The following AKAP7 variants were observed in gnomAD, a reference collection of about 807,000 sequenced individuals.
AKAP7 encodes the protein A-kinase anchoring protein 7, also known as A kinase (PRKA) anchor protein 7.
AKAP7 carries 39 observed loss-of-function variants against 39.5 expected under a neutral mutation model. The observed-to-expected ratio is 0.99, with a 90% CI of 0.76 to 1.29. The LOEUF (loss-of-function observed/expected upper bound fraction) is 1.29. AKAP7 is among the 50% of genes most tolerant of loss of function. The pLI is 0.00. For synonymous variants in AKAP7, 140 were observed against 139.1 expected (o/e 1.01, Z -0.05); for missense variants, 414 against 407.7 (o/e 1.02, Z -0.13).
chr6:131,189,005 A>C (rs777560096), intron 5 of AKAP7, among the ~76,000 whole-genome samples: 7 of 152,234 alleles, frequency 4.6e-5, no homozygotes, highest in Non-Finnish European at 5.9e-5. Context: ...AATATAGCTT[A>C]GTCTAGCCTA....
At position 131,242,333 on chromosome 6, in the gene AKAP7, C is replaced by T. The variant is rs544965650; in HGVS notation, c.850+22525C>T. ...TAATAAGCGGAAGCTTTTACTTAAG[C>T]AGTCAGTCTTAGTATAATAAGGTTT... On this transcript the variant is annotated intron_variant, in intron 7 of 7. Coordinates refer to ENST00000431975, the MANE Select transcript of AKAP7 (RefSeq NM_016377.4). 1.1e-3 allele frequency: 502 copies of T among 443,940 alleles called. 2 individuals are homozygous for T. Among genetic ancestry groups the T allele is most frequent in the Middle Eastern group, 3.5e-3 (3 of 850 alleles). 27.5% of individuals were successfully genotyped at this position (443,940 alleles called of 1,614,324 possible). A position where few individuals can be genotyped will look rare whatever the true frequency, so the allele number is the denominator to read the frequency against.
At chr6:131,185,326 G>C (rs1805730421) in intron 5 of AKAP7, 1 of 507,974 alleles carries the variant, frequency 2.0e-6, no homozygotes. Context: ...TCATCCAGCT[G>C]TAATAATTGT....
chr6:131,152,717 T>C (rs541152629), intron 2 of AKAP7, among the ~76,000 whole-genome samples: 1 of 150,326 alleles, frequency 6.7e-6, no homozygotes, highest in East Asian at 2.0e-4. Flanking sequence ...GTCCCAGCTG[T>C]TTGGGAGGCT....
intron 7 of AKAP7, among the ~76,000 whole-genome samples, chr6:131,280,146 C>G (rs1421693471): frequency 1.3e-5 from 2 of 152,260 alleles, no homozygotes; most frequent in East Asian, 3.9e-4. Context: ...ACTGAGTTGA[C>G]ATTTACTCAA....
At chr6:131,258,736 A>C (rs1459999859) in intron 7 of AKAP7, among the ~76,000 whole-genome samples, 1 of 152,268 alleles carries the variant, frequency 6.6e-6, no homozygotes. Flanking sequence ...GGTAACTAGA[A>C]CATAAATGTT....
intron 7 of AKAP7, among the ~76,000 whole-genome samples, chr6:131,247,656 G>C (rs529394379): frequency 1.5e-4 from 22 of 150,986 alleles, no homozygotes; most frequent in African/African-American, 5.1e-4. Context: ...GGTCTCACTC[G>C]GTCACTCCTG....
At chr6:131,209,529 C>T (rs976356887) in intron 6 of AKAP7, among the ~76,000 whole-genome samples, 2 of 152,088 alleles carry the variant, frequency 1.3e-5, no homozygotes, top group African/African-American at 2.4e-5. Flanking sequence ...GGATTACAAG[C>T]GTGAGCCACC....
At chr6:131,172,385 T>C (rs1374223831) in intron 5 of AKAP7, among the ~76,000 whole-genome samples, 1 of 152,188 alleles carries the variant, frequency 6.6e-6, no homozygotes, top group East Asian at 1.9e-4. Flanking sequence ...AGTCTTGCTC[T>C]GTCACCCAGG....
At chr6:131,252,537 C>G (rs1202941975) in intron 7 of AKAP7, among the ~76,000 whole-genome samples, 1 of 152,178 alleles carries the variant, frequency 6.6e-6, no homozygotes, top group East Asian at 1.9e-4. Flanking sequence ...TTTAATTTCT[C>G]TGGTACAGGA....
the AKAP7 span, among the ~76,000 whole-genome samples, chr6:131,128,387 T>C: frequency 6.6e-6 from 1 of 152,222 alleles, no homozygotes; most frequent in Admixed American, 6.5e-5. Context: ...GTGGGATGGA[T>C]AATAAACTTT....
intron 6 of AKAP7, among the ~76,000 whole-genome samples, chr6:131,205,293 A>T (rs966505716): frequency 6.6e-6 from 1 of 152,168 alleles, no homozygotes; most frequent in East Asian, 1.9e-4. Context: ...AGCTATCATC[A>T]GTCTGTTTAT....
intron 7 of AKAP7, among the ~76,000 whole-genome samples, chr6:131,241,647 T>G (rs1431159884): frequency 1.6e-5 from 1 of 63,876 alleles, no homozygotes; most frequent in Non-Finnish European, 3.3e-5. Flanking sequence ...ATGACAGTTA[T>G]AGGATTCAGT....
the AKAP7 span, among the ~76,000 whole-genome samples, chr6:131,126,351 T>G: frequency 2.6e-5 from 4 of 152,204 alleles, no homozygotes; most frequent in Non-Finnish European, 2.9e-5. Context: ...GCTTGAGGAA[T>G]GAATTAGCGA....
intron 7 of AKAP7, among the ~76,000 whole-genome samples, chr6:131,252,232 G>C (rs1812500935): frequency 6.6e-6 from 1 of 152,064 alleles, no homozygotes; most frequent in Non-Finnish European, 1.5e-5. Flanking sequence ...CTGCTTTTGG[G>C]GCTTACTGTT....
At chr6:131,191,205 A>T (rs78938626) in intron 5 of AKAP7, among the ~76,000 whole-genome samples, 1,944 of 152,308 alleles carry the variant, frequency 0.013, 39 homozygotes, top group African/African-American at 0.045. Flanking sequence ...ACCATAAGAC[A>T]TCGCTAATAT....
intron 7 of AKAP7, among the ~76,000 whole-genome samples, chr6:131,255,505 C>CTTTA (rs919829763): frequency 1.3e-5 from 2 of 152,220 alleles, no homozygotes; most frequent in Non-Finnish European, 2.9e-5. Context: ...GACAGTGACA[C>CTTTA]TTTATTTTTC....
At chr6:131,142,757 C>T (rs1801153693) in intron 1 of AKAP7, among the ~76,000 whole-genome samples, 1 of 152,216 alleles carries the variant, frequency 6.6e-6, no homozygotes, top group Admixed American at 6.5e-5. Flanking sequence ...CAGCTTACAC[C>T]CTGAGCTTGG....
At chr6:131,232,754 C>T (rs748096683) in intron 7 of AKAP7, among the ~76,000 whole-genome samples, 15 of 151,862 alleles carry the variant, frequency 9.9e-5, no homozygotes, top group Non-Finnish European at 1.8e-4. Flanking sequence ...ATCACCCCAC[C>T]GCACTCTAGT....
chr6:131,151,654 G>C (rs1338062539), intron 2 of AKAP7, among the ~76,000 whole-genome samples: 2 of 152,096 alleles, frequency 1.3e-5, no homozygotes, highest in East Asian at 3.9e-4. Context: ...GCTGAGGCAG[G>C]AGAATCGCTT....
Sources: allele counts gnomAD v4.1 joint callset (sites outside exome capture counted in the v4.1 genomes callset), GRCh38; gene constraint gnomAD v4.1.1; transcripts MANE v1.5; gene names NCBI Gene and HGNC (gene_info 2026-07-23, HGNC 2026-07-21).